CMSS1: variants seen among roughly 807,000 people sequenced by gnomAD.
The protein encoded by CMSS1 is cms1 ribosomal small subunit homolog.
A neutral mutation model predicts 43.5 loss-of-function variants in CMSS1; 33 were observed. The observed-to-expected ratio is 0.76, with a 90% CI of 0.57 to 1.01. The LOEUF (loss-of-function observed/expected upper bound fraction) is 1.01, where lower values mean the gene tolerates loss of function less well. CMSS1 is among the 50% of genes least tolerant of loss of function. The probability of loss-of-function intolerance (pLI) is 0.00; values close to 1 mark genes in which losing one functional copy is unlikely to be tolerated. For synonymous variants in CMSS1, 115 were observed against 117.2 expected, an observed-to-expected ratio of 0.98 and a Z score of 0.12; for missense variants, 313 against 326.4, an observed-to-expected ratio of 0.96 and a Z score of 0.32.
At chr3:100,149,612 A>G (rs2066884974) in intron 2 of CMSS1, among the ~76,000 whole-genome samples, 1 of 152,096 alleles carries the variant, frequency 6.6e-6, no homozygotes, top group Non-Finnish European at 1.5e-5. Context: ...GGCCAGAGAA[A>G]TATCATTTTT....
At chr3:99,819,645 A>C (rs908463329) in intron 1 of CMSS1, among the ~76,000 whole-genome samples, 5 of 152,128 alleles carry the variant, frequency 3.3e-5, no homozygotes, top group African/African-American at 4.8e-5. Context: ...TTTGAAAGTC[A>C]CGCTTTTCCC....
Position 99,848,960 on chromosome 3 carries a change from C to T in CMSS1, c.64+30917C>T, listed in dbSNP as rs202229023. 3.1e-6 allele frequency: 5 copies of T among 1,613,922 alleles called. No individual in the cohort carries two copies. The African/African-American group carries it at 5.3e-5, about 17-fold the overall frequency. On this transcript the variant is annotated intron_variant, in intron 1 of 9. Transcript: ENST00000421999. ...GTGTTTTGTACATGGTCTGGAGTAA[C>T]CTTTATATGAAGTGGCTGCCCAGGT...
intron 1 of CMSS1, among the ~76,000 whole-genome samples, chr3:99,931,955 CAT>C (rs540963099): frequency 4.1e-4 from 63 of 152,304 alleles, no homozygotes; most frequent in South Asian, 3.1e-3. Context: ...CCCTACAAAT[CAT>C]GAAACTTTCA....
intron 1 of CMSS1, among the ~76,000 whole-genome samples, chr3:99,897,818 A>G (rs1706307667): frequency 6.6e-6 from 1 of 152,248 alleles, no homozygotes; most frequent in African/African-American, 2.4e-5. Flanking sequence ...GAACTCCACT[A>G]CAGAGAATCT....
At chr3:99,919,734 T>G (rs888528848) in intron 1 of CMSS1, among the ~76,000 whole-genome samples, 2 of 152,112 alleles carry the variant, frequency 1.3e-5, no homozygotes, top group Admixed American at 6.5e-5. Flanking sequence ...CCTGTCATAA[T>G]AGAAAAGGAT....
At chr3:99,979,651 CCT>C (rs1709063950) in intron 1 of CMSS1, among the ~76,000 whole-genome samples, 1 of 152,048 alleles carries the variant, frequency 6.6e-6, no homozygotes, top group South Asian at 2.1e-4. Flanking sequence ...TTAAGTATTA[CCT>C]CTATATGTCA....
chr3:100,153,095 T>A (rs1261164888), intron 2 of CMSS1, among the ~76,000 whole-genome samples: 2 of 152,198 alleles, frequency 1.3e-5, no homozygotes, highest in African/African-American at 4.8e-5. Flanking sequence ...TACCATTCAA[T>A]GAATTTTGAC....
At chr3:100,073,155 CCA>C (rs1231579132) in intron 1 of CMSS1, among the ~76,000 whole-genome samples, 1 of 152,064 alleles carries the variant, frequency 6.6e-6, no homozygotes, top group East Asian at 1.9e-4. Context: ...AGAACTAGTA[CCA>C]GGAGTCACAA....
chr3:99,884,419 T>G (rs924866278), intron 1 of CMSS1, among the ~76,000 whole-genome samples: 2 of 152,224 alleles, frequency 1.3e-5, no homozygotes, highest in African/African-American at 4.8e-5. Flanking sequence ...TGTTAGATTA[T>G]GACATTGATT....
intron 1 of CMSS1, among the ~76,000 whole-genome samples, chr3:100,019,264 G>A: frequency 6.6e-6 from 1 of 152,144 alleles, no homozygotes; most frequent in East Asian, 1.9e-4. Context: ...GGAGGCTGAG[G>A]CAGGAGGATC....
intron 6 of CMSS1, among the ~76,000 whole-genome samples, chr3:100,170,553 A>C (rs759370616): frequency 3.3e-5 from 5 of 152,204 alleles, no homozygotes; most frequent in African/African-American, 7.2e-5. Context: ...TGTGGGTTTA[A>C]GAAGAAAAAA....
At chr3:100,058,049 T>A (rs1305171851) in intron 1 of CMSS1, among the ~76,000 whole-genome samples, 1 of 152,186 alleles carries the variant, frequency 6.6e-6, no homozygotes, top group Non-Finnish European at 1.5e-5. Context: ...CTCAAAGTAA[T>A]CCCAGGCAAT....
chr3:99,916,437 T>C lies in CMSS1; in HGVS notation c.64+98394T>C, dbSNP rs529376615. Among the ~76,000 whole-genome samples the C allele has an allele frequency of 3.8e-3, 526 of 137,176 alleles. 3 individuals carry two copies. Among genetic ancestry groups the C allele is most frequent in the African/African-American group, 0.014 (498 of 36,000 alleles). 90.0% of individuals were successfully genotyped at this position (137,176 alleles called of 152,430 possible). A position where few individuals can be genotyped will look rare whatever the true frequency, so the allele number is the denominator to read the frequency against. ...GCCAACACTTTATAATAACGGTTTA[T>C]ACACACACACACACACACACACACA... On this transcript the variant is annotated intron_variant, in intron 1 of 9. Transcript: ENST00000421999.
chr3:99,836,235 G>A (rs1407707322), intron 1 of CMSS1, among the ~76,000 whole-genome samples: 1 of 152,120 alleles, frequency 6.6e-6, no homozygotes, highest in Non-Finnish European at 1.5e-5. Context: ...CAAATAAGTG[G>A]GGAGGACAGA....
intron 1 of CMSS1, among the ~76,000 whole-genome samples, chr3:99,951,345 C>A (rs1477832603): frequency 6.6e-6 from 1 of 152,156 alleles, no homozygotes; most frequent in Non-Finnish European, 1.5e-5. Flanking sequence ...TCAACCTCCC[C>A]CACTGAACCC....
rs546487554 is a variant in CMSS1, at chr3:100,037,167, T to C, written c.65-109806T>C. The stretch of plus-strand genomic sequence containing the variant: ...GATGAAACATAATGTTGTGCTTATA[T>C]ACATTTCCTGATTTTGATCATTGTG... On this transcript the variant is annotated intron_variant, in intron 1 of 9. Coordinates refer to ENST00000421999, the MANE Select transcript of CMSS1 (RefSeq NM_032359.4). 2.4e-3 allele frequency among the ~76,000 whole-genome samples: 365 copies of C among 151,208 alleles called. 1 individual carries two copies. The highest frequency in any genetic ancestry group is 8.5e-3 in the African/African-American group (344 of 40,512).
chr3:99,989,972 A>G (rs1484575741), intron 1 of CMSS1, among the ~76,000 whole-genome samples: 1 of 152,182 alleles, frequency 6.6e-6, no homozygotes, highest in African/African-American at 2.4e-5. Context: ...ATACCCACCC[A>G]AAGCAATAAT....
At chr3:99,974,709 AAACAAC>A (rs371476675) in intron 1 of CMSS1, among the ~76,000 whole-genome samples, 38 of 151,912 alleles carry the variant, frequency 2.5e-4, no homozygotes, top group African/African-American at 2.4e-4. Flanking sequence ...CTCCATCTCA[AAACAAC>A]AACAACAACA....
rs1180326763 is a variant in CMSS1, at chr3:100,162,534, A to G, written c.355+102A>G. On this transcript the variant is annotated intron_variant, in intron 4 of 9. Transcript: ENST00000421999. The stretch of plus-strand genomic sequence containing the variant: ...TCAATTAACACATTTTCCAGCGGGC[A>G]TGGTGGCTCATGCCTATAATCCCAG... The G allele has an allele frequency of 3.2e-6, 4 of 1,233,520 alleles. No homozygotes were observed. The African/African-American group carries it at 6.1e-5, about 19-fold the overall frequency. The allele number at this position is 1,233,520 out of a possible 1,614,324, so 76.4% of individuals were successfully genotyped here.
Sources: gnomAD v4.1 joint callset for allele counts (sites outside exome capture counted in the v4.1 genomes callset) on GRCh38, gnomAD v4.1.1 for gene constraint, MANE v1.5 for transcripts, NCBI Gene and HGNC (gene_info 2026-07-23, HGNC 2026-07-21) for gene names.